The following MUC5AC variants were observed in gnomAD, a reference collection of about 807,000 sequenced individuals.
MUC5AC encodes mucin 5AC, oligomeric mucus/gel-forming.
MUC5AC carries 158 observed loss-of-function variants against 169.7 expected under a neutral mutation model. That is an observed-to-expected ratio of 0.93 (90% CI 0.82 to 1.06). The LOEUF (loss-of-function observed/expected upper bound fraction) is 1.06, where lower values mean the gene tolerates loss of function less well. Among genes scored for constraint, MUC5AC ranks in the 50% least tolerant of loss-of-function variants. MUC5AC has a pLI of 0.00. For synonymous variants in MUC5AC, 1,975 were observed against 1,237.0 expected (o/e 1.60, Z -12.52); for missense variants, 4,359 against 3,089.9 (o/e 1.41, Z -9.74).
chr11:1,158,116 G>C (rs751365910), intron 1 of MUC5AC, 44 bp downstream of exon 1: 3 of 1,517,706 alleles, frequency 2.0e-6, no homozygotes, highest in Non-Finnish European at 2.7e-6. Flanking sequence ...TGGGTGGTGC[G>C]GTACTGAGTG....
Position 1,158,039 on chromosome 11 carries a change from C to G in MUC5AC, c.40C>G (p.Leu14Val). The G allele has an allele frequency of 6.2e-7, 1 of 1,608,014 alleles. No homozygotes were observed. Among genetic ancestry groups the G allele is most frequent in the Non-Finnish European group, 8.5e-7 (1 of 1,178,306 alleles). The change falls in exon 1 of 49, where the codon CTG (leucine) becomes GTG (valine). Residue 14 changes from leucine (L) to valine (V), a missense_variant. Transcript: ENST00000621226. ...GRRKLALLWA[L>V]ALALACTRHT... The stretch of plus-strand genomic sequence containing the variant: ...GAGGAAGCTGGCCCTGCTCTGGGCC[C>G]TGGCTCTCGCTCTGGCCTGCACCCG...
rs757089100 is a variant in MUC5AC at position 1,195,190 on chromosome 11, G to A, written c.15369G>A (p.Gly5123=). 5 of 760,662 alleles carry A rather than the reference G, an allele frequency of 6.6e-6. No individual in the cohort carries two copies. The African/African-American group carries it at 8.5e-5, about 13-fold the overall frequency. The allele number at this position is 760,662 out of a possible 1,614,324, so 47.1% of individuals were successfully genotyped here. Residue 5123 remains glycine (G), a synonymous_variant, in exon 36 of 49, where the codon GGG becomes GGA. Coordinates refer to ENST00000621226, the MANE Select transcript of MUC5AC (RefSeq NM_001304359.2). ...GPTTVGSTTV[G]PTTVGSTTVG... ...CCACAGTTGGGTCTACCACGGTCGG[G>A]CCCACCACAGTTGGGTCTACCACGG...
rs534765732 is a variant in MUC5AC, at chr11:1,195,422, G to A, written c.15458+143G>A. 358 of 616,088 alleles carry A rather than the reference G, an allele frequency of 5.8e-4. 6 individuals are homozygous for A. In the South Asian group the frequency reaches 6.4e-3, roughly 11 times the overall value. 38.2% of individuals were successfully genotyped at this position (616,088 alleles called of 1,614,324 possible). A position where few individuals can be genotyped will look rare whatever the true frequency, so the allele number is the denominator to read the frequency against. On this transcript the variant is annotated intron_variant, in intron 36 of 48. Transcript: ENST00000621226. ...CTGGTACCACAGACCAAGGAGGGGT[G>A]GGTGTTGGGGAGAAGTGGGTGCCGG...
chr11:1,179,053 T>TG (rs1860750156), intron 25 of MUC5AC, 39 bp from the exon 26 acceptor site: 37 of 213,296 alleles, frequency 1.7e-4, no homozygotes, highest in Middle Eastern at 2.5e-3. Context: ...CGCGGGGTGG[T>TG]GGGGGGGTCC....
chr11:1,185,676 G>T lies in MUC5AC; in HGVS notation c.7531G>T (p.Ala2511Ser), dbSNP rs1368510646. The T allele has an allele frequency of 4.0e-6, 3 of 741,222 alleles. No individual in the cohort carries two copies. Among genetic ancestry groups the T allele is most frequent in the East Asian group, 2.5e-5 (1 of 40,164 alleles). The allele number at this position is 741,222 out of a possible 1,614,324, so 45.9% of individuals were successfully genotyped here. A position where few individuals can be genotyped will look rare whatever the true frequency, so the allele number is the denominator to read the frequency against. The change falls in exon 31 of 49, where the codon GCT becomes TCT. Residue 2511 changes from alanine (A) to serine (S), a missense_variant. Ala to Ser is a moderately conservative substitution (Grantham distance 99, BLOSUM62 1). Transcript: ENST00000621226. ...TTCTCCTACAACCAGCACAACCTCT[G>T]CTCCTACAACCAGCACAACCTCTGC... is the stretch of plus-strand genomic sequence containing the variant. ...TSSPTTSTTS[A>S]PTTSTTSAST...
intron 15 of MUC5AC, among the ~76,000 whole-genome samples, chr11:1,170,458 C>G (rs1321242129): frequency 5.6e-4 from 80 of 141,988 alleles, no homozygotes; most frequent in Middle Eastern, 4.5e-3. Flanking sequence ...CTCACCCACT[C>G]ACCGACTCAC....
intron 14 of MUC5AC, 30 bp downstream of exon 14, chr11:1,168,809 C>A: frequency 6.3e-7 from 1 of 1,582,970 alleles, no homozygotes; most frequent in Non-Finnish European, 8.6e-7. Context: ...GGCTTGGAGC[C>A]CACCCACTCT....
In MUC5AC at chr11:1,168,760, G is replaced by T. The variant is rs746487927; in HGVS notation, c.1686G>T (p.Lys562Asn). ...TMQLFMQLAP[K>N]LRGQTCGLCG... ...AGCTGTTCATGCAGCTGGCGCCCAA[G>T]CTCCGTGGGCAGACCTGCGGTAAGA... The change falls in exon 14 of 49, where the codon AAG becomes AAT. Residue 562 changes from lysine to asparagine, a missense_variant. Coordinates refer to ENST00000621226, the MANE Select transcript of MUC5AC (RefSeq NM_001304359.2). 6.2e-7 allele frequency: 1 copy of T among 1,604,568 alleles called. No homozygotes were observed. The highest frequency in any genetic ancestry group is 2.2e-5 in the East Asian group (1 of 44,620).
intron 6 of MUC5AC, 132 bp from the exon 7 acceptor site, chr11:1,163,750 G>C: frequency 4.4e-6 from 3 of 688,958 alleles, no homozygotes; most frequent in Non-Finnish European, 7.5e-6. Flanking sequence ...CAGGCATCCA[G>C]ATGGGGCAGG....
intron 19 of MUC5AC, among the ~76,000 whole-genome samples, chr11:1,175,587 T>G (rs1860653499): frequency 1.8e-5 from 2 of 112,412 alleles, no homozygotes; most frequent in East Asian, 5.6e-4. Flanking sequence ...ACACACCCAC[T>G]CATGCACACG....
At chr11:1,164,932 C>A (rs113831324) in intron 9 of MUC5AC, among the ~76,000 whole-genome samples, 1 of 95,000 alleles carries the variant, frequency 1.1e-5, no homozygotes, top group Non-Finnish European at 1.9e-5. Flanking sequence ...GTCCTGAGCC[C>A]CCTGAGGCTG....
intron 27 of MUC5AC, 51 bp from the exon 28 acceptor site, chr11:1,180,303 G>A (rs924191274): frequency 2.7e-4 from 107 of 398,518 alleles, no homozygotes; most frequent in Non-Finnish European, 3.6e-4. Flanking sequence ...CCTCCAGAGC[G>A]AGGTGGACGA....
Position 1,187,946 on chromosome 11 carries a change from C to G in MUC5AC, c.9801C>G (p.Thr3267=). The G allele has an allele frequency of 1.3e-6, 1 of 755,270 alleles. No individual in the cohort carries two copies. Among genetic ancestry groups the G allele is most frequent in the South Asian group, 1.4e-5 (1 of 73,458 alleles). The allele number at this position is 755,270 out of a possible 1,614,324, so 46.8% of individuals were successfully genotyped here. A position where few individuals can be genotyped will look rare whatever the true frequency, so the allele number is the denominator to read the frequency against. The change falls in exon 31 of 49, where the codon ACC becomes ACG. Residue 3267 remains threonine, a synonymous_variant. Coordinates refer to ENST00000621226, the MANE Select transcript of MUC5AC (RefSeq NM_001304359.2). ...EKICRRPEEI[T]RLQCRAESHP... is the part of the protein sequence containing the mutation. ...TCTGCCGCCGACCTGAGGAGATCAC[C>G]AGGCTCCAGTGCCGAGCCGAGAGCC...
Position 1,190,234 on chromosome 11 carries a change from G to A in MUC5AC, c.12089G>A (p.Arg4030Gln), listed in dbSNP as rs1247756839. ...AGCCGGGAAGAGGGCCTGGTGTGCC[G>A]GAACCAGGACCAGCAGGGACCCTTC... ...QCSREEGLVC[R>Q]NQDQQGPFKM... The change falls in exon 31 of 49, where the codon CGG (arginine) becomes CAG (glutamine). Residue 4030 changes from arginine to glutamine, a missense_variant. Transcript: ENST00000621226. 100,102 of 734,610 alleles carry A rather than the reference G, an allele frequency of 0.14. 876 individuals are homozygous for A. The highest frequency in any genetic ancestry group is 0.17 in the Non-Finnish European group (68,420 of 402,476). The allele number at this position is 734,610 out of a possible 1,614,324, so 45.5% of individuals were successfully genotyped here. A position where few individuals can be genotyped will look rare whatever the true frequency, so the allele number is the denominator to read the frequency against.
chr11:1,199,468 G>A lies in MUC5AC; in HGVS notation c.16493G>A (p.Cys5498Tyr). The A allele has an allele frequency of 1.4e-6, 1 of 720,362 alleles. No homozygotes were observed. Among genetic ancestry groups the A allele is most frequent in the Non-Finnish European group, 2.5e-6 (1 of 394,966 alleles). 44.6% of individuals were successfully genotyped at this position (720,362 alleles called of 1,614,324 possible). The change falls in exon 46 of 49, where the codon TGC (cysteine) becomes TAC (tyrosine). Residue 5498 changes from cysteine to tyrosine, a missense_variant. Cys to Tyr is a radical substitution (Grantham distance 194). Transcript: ENST00000621226. Reference protein sequence around the residue: ...GLVVVTTKKACPPLSCSLDEA... With the variant: ...GLVVVTTKKAYPPLSCSLDEA... The stretch of plus-strand genomic sequence containing the variant: ...GTGGTGGTCACCACGAAGAAGGCGT[G>A]CCCCCCGCTCAGCTGTTCTCTGGTG...
intron 11 of MUC5AC, among the ~76,000 whole-genome samples, chr11:1,166,209 A>C (rs201083016): frequency 0.98 from 145,303 of 147,914 alleles, 71,352 homozygotes; most frequent in Non-Finnish European, 1. Flanking sequence ...CACACAGTCT[A>C]CCCAAGATGA....
At position 1,181,476 on chromosome 11, in the gene MUC5AC, C is replaced by A. The variant is rs1325552536; in HGVS notation, c.4009+17C>A. The A allele has an allele frequency of 1.0e-5, 3 of 288,896 alleles. No individual in the cohort carries two copies. The highest frequency in any genetic ancestry group is 1.7e-5 in the Non-Finnish European group (3 of 176,852). 17.9% of individuals were successfully genotyped at this position (288,896 alleles called of 1,614,324 possible). A position where few individuals can be genotyped will look rare whatever the true frequency, so the allele number is the denominator to read the frequency against. ...CCCCGCTTGGTAAGGCAAATGTGGC[C>A]GAGGAGCCCCAGGGTGAGCCCCCTC... is the stretch of plus-strand genomic sequence containing the variant. On this transcript the variant is annotated intron_variant, in intron 30 of 48. Coordinates refer to ENST00000621226, the MANE Select transcript of MUC5AC (RefSeq NM_001304359.2).
chr11:1,198,445 C>T (rs1216709715), intron 43 of MUC5AC, 140 bp downstream of exon 43: 4 of 661,028 alleles, frequency 6.1e-6, no homozygotes, highest in South Asian at 4.8e-5. Context: ...AGCCCACTAT[C>T]AAGTGTGGCT....
In MUC5AC at chr11:1,192,314, C is replaced by T. The variant is rs74888789; in HGVS notation, c.14169C>T (p.Leu4723=). 14 of 765,008 alleles carry T rather than the reference C, an allele frequency of 1.8e-5. No homozygotes were observed. Among genetic ancestry groups the T allele is most frequent in the Non-Finnish European group, 2.9e-5 (12 of 417,908 alleles). 47.4% of individuals were successfully genotyped at this position (765,008 alleles called of 1,614,324 possible). Residue 4723 remains leucine (L), a synonymous_variant, in exon 31 of 49, where the codon CTC becomes CTT. Transcript: ENST00000621226. The part of the protein sequence containing the change: ...KMCLNYEVRV[L]CCETPRGCPV... ...GCCTCAACTACGAGGTGCGCGTGCT[C>T]TGCTGCGAGACCCCCAGAGGCTGCC...
Sources: allele counts gnomAD v4.1 joint callset (sites outside exome capture counted in the v4.1 genomes callset), GRCh38; gene constraint gnomAD v4.1.1; transcripts MANE v1.5; gene names NCBI Gene and HGNC (gene_info 2026-07-23, HGNC 2026-07-21).